MID2: variants seen among roughly 807,000 people sequenced by gnomAD.
MID2 encodes probable E3 ubiquitin-protein ligase MID2.
MID2 carries 13 observed loss-of-function variants against 46.1 expected under a neutral mutation model. The observed-to-expected ratio is 0.28, with a 90% CI of 0.18 to 0.45. MID2 has a LOEUF of 0.45. MID2 is among the 20% of genes least tolerant of loss of function. MID2 has a pLI of 1.00. For missense variants in MID2, 431 were observed against 575.4 expected (o/e 0.75, Z 2.57); for synonymous variants, 199 against 212.3 (o/e 0.94, Z 0.55).
At chrX:107,882,460 A>T (rs1462801332) in intron 3 of MID2, among the ~76,000 whole-genome samples, 1 of 112,200 alleles carries the variant, frequency 8.9e-6, no homozygotes, top group Non-Finnish European at 1.9e-5. Context: ...TACTCATCTG[A>T]CAAAGGGCTA....
At chrX:107,887,494 A>G (rs1932483921) in intron 3 of MID2, among the ~76,000 whole-genome samples, 1 of 111,736 alleles carries the variant, frequency 8.9e-6, no homozygotes, top group African/African-American at 3.3e-5. Context: ...ATGGTGGATA[A>G]GGTTTTTGAT....
intron 3 of MID2, among the ~76,000 whole-genome samples, chrX:107,897,079 A>C (rs2147859122): frequency 8.9e-6 from 1 of 111,996 alleles, no homozygotes; most frequent in South Asian, 3.7e-4. Flanking sequence ...GCACTATAAA[A>C]GTATTAACTC....
Position 107,926,101 on chromosome X carries a change from C to T in MID2, c.1605C>T (p.Pro535=). The change falls in exon 9 of 10, where the codon CCC becomes CCT. Residue 535 remains proline, a synonymous_variant. Transcript: ENST00000262843. Reference sequence around the variant, plus strand: ...TTTCTACTTATTTTTCAGGCCAACCCTTTAAATTGGATCCCAAAATGACTC... The same window carrying T: ...TTTCTACTTATTTTTCAGGCCAACCTTTTAAATTGGATCCCAAAATGACTC... ...EPTRLKTNSQ[P]FKLDPKMTHK... is the part of the protein sequence containing the mutation. 8.3e-7 allele frequency: 1 copy of T among 1,199,316 alleles called. No homozygotes were observed. The highest frequency in any genetic ancestry group is 1.1e-6 in the Non-Finnish European group (1 of 886,928).
chrX:107,917,141 A>G (rs1466588579), intron 6 of MID2, among the ~76,000 whole-genome samples: 1 of 110,903 alleles, frequency 9.0e-6, no homozygotes, highest in Non-Finnish European at 1.9e-5. Flanking sequence ...AAATCTGTCT[A>G]TATATATATA....
intron 2 of MID2, among the ~76,000 whole-genome samples, chrX:107,844,071 T>C (rs899209015): frequency 1.8e-5 from 2 of 111,910 alleles, no homozygotes; most frequent in Non-Finnish European, 3.8e-5. Context: ...GGAACTTCAC[T>C]GTTGACATTT....
At position 107,929,369 on chromosome X, in the gene MID2, T is replaced by C. The variant is rs943177372; in HGVS notation, c.*2296T>C. On this transcript the variant is annotated 3_prime_UTR_variant, in exon 10 of 10. Transcript: ENST00000262843. ...CACCCAGTAGAAGGTCCCAACTCCT[T>C]ACAGAGTCTGGGTTTTCATGTCCCT... Among the ~76,000 whole-genome samples, 2 of 111,307 alleles carry C rather than the reference T, an allele frequency of 1.8e-5. No homozygotes were observed. Among genetic ancestry groups the C allele is most frequent in the African/African-American group, 6.5e-5 (2 of 30,627 alleles).
intron 1 of MID2, among the ~76,000 whole-genome samples, chrX:107,835,370 C>A (rs1931179857): frequency 9.0e-6 from 1 of 111,712 alleles, no homozygotes. Flanking sequence ...GGGTATATAC[C>A]TAGGAGTGGA....
intron 7 of MID2, among the ~76,000 whole-genome samples, chrX:107,918,336 T>G (rs1933007857): frequency 9.0e-6 from 1 of 111,610 alleles, no homozygotes; most frequent in Non-Finnish European, 1.9e-5. Context: ...CTCAATGCCC[T>G]GGGTGCAGTG....
intron 5 of MID2, among the ~76,000 whole-genome samples, chrX:107,910,810 T>C (rs1932882775): frequency 6.3e-5 from 2 of 31,583 alleles, no homozygotes; most frequent in Admixed American, 3.6e-4. Flanking sequence ...TTCCTTTCCT[T>C]TCCTTTCCTT....
At chrX:107,911,248 T>A (rs920854011) in intron 5 of MID2, among the ~76,000 whole-genome samples, 9 of 111,551 alleles carry the variant, frequency 8.1e-5, no homozygotes, top group Non-Finnish European at 1.5e-4. Flanking sequence ...AATGTTCTTG[T>A]ATTATTTGCT....
At chrX:107,856,855 A>G (rs1931747498) in intron 3 of MID2, among the ~76,000 whole-genome samples, 1 of 112,357 alleles carries the variant, frequency 8.9e-6, no homozygotes, top group Non-Finnish European at 1.9e-5. Context: ...GTAGATATTC[A>G]AGAAGTGTTC....
chrX:107,860,891 C>T (rs1931837891), intron 3 of MID2, among the ~76,000 whole-genome samples: 1 of 112,010 alleles, frequency 8.9e-6, no homozygotes, highest in Non-Finnish European at 1.9e-5. Flanking sequence ...TTGCCAAGTT[C>T]ATGCCACTGG....
At chrX:107,837,788 A>G (rs1433393009) in intron 1 of MID2, among the ~76,000 whole-genome samples, 1 of 111,753 alleles carries the variant, frequency 8.9e-6, no homozygotes, top group African/African-American at 3.2e-5. Context: ...AGGTGGATAC[A>G]GTAATAGTAA....
chrX:107,829,791 C>G (rs1386735115), intron 1 of MID2, among the ~76,000 whole-genome samples: 1 of 111,860 alleles, frequency 8.9e-6, no homozygotes. Flanking sequence ...GTTTTCATGA[C>G]TACTAGAATT....
At chrX:107,901,633 A>G (rs1012080057) in intron 3 of MID2, among the ~76,000 whole-genome samples, 6 of 111,848 alleles carry the variant, frequency 5.4e-5, no homozygotes, top group African/African-American at 1.6e-4. Flanking sequence ...AGAACTCATG[A>G]TGGAGTGAGG....
intron 2 of MID2, among the ~76,000 whole-genome samples, chrX:107,853,105 T>C (rs1488338072): frequency 9.0e-6 from 1 of 110,704 alleles, no homozygotes; most frequent in Non-Finnish European, 1.9e-5. Context: ...AAGCCCATGA[T>C]TAATCTAGAG....
intron 3 of MID2, among the ~76,000 whole-genome samples, chrX:107,891,102 G>A (rs1241658015): frequency 1.8e-5 from 2 of 109,370 alleles, no homozygotes; most frequent in Non-Finnish European, 3.8e-5. Flanking sequence ...GCTCACGCTC[G>A]GTGCGCTGCA....
In MID2 at chrX:107,826,393, C is replaced by T. The variant is rs1930944667; in HGVS notation, c.-34C>T. 8.8e-7 allele frequency: 1 copy of T among 1,132,383 alleles called. No homozygotes were observed. Among genetic ancestry groups the T allele is most frequent in the African/African-American group, 1.9e-5 (1 of 53,090 alleles). The allele number at this position is 1,132,383 out of a possible 1,213,427, so 93.3% of individuals were successfully genotyped here. A position where few individuals can be genotyped will look rare whatever the true frequency, so the allele number is the denominator to read the frequency against. On this transcript the variant is annotated 5_prime_UTR_variant, in exon 1 of 10. Coordinates refer to ENST00000262843, the MANE Select transcript of MID2 (RefSeq NM_012216.4). ...CAGACGAGAGCCCAGCGCCCTCGAG[C>T]GAGCGGAGGAGATGGCTGGCACCTG...
chrX:107,836,147 C>T (rs1343857848), intron 1 of MID2, among the ~76,000 whole-genome samples: 1 of 112,037 alleles, frequency 8.9e-6, no homozygotes, highest in East Asian at 2.8e-4. Flanking sequence ...GTCTTGGAAC[C>T]CTTGTTGAAA....
Sources: allele counts gnomAD v4.1 joint callset (sites outside exome capture counted in the v4.1 genomes callset), GRCh38; gene constraint gnomAD v4.1.1; transcripts MANE v1.5; gene names NCBI Gene and HGNC (gene_info 2026-07-23, HGNC 2026-07-21).